The following TET2 variants were observed in gnomAD, a reference collection of about 807,000 sequenced individuals.
The protein encoded by TET2 is tet methylcytosine dioxygenase 2, also known as methylcytosine dioxygenase TET2.
In TET2, 299 loss-of-function variants were observed where a neutral mutation model predicts 142.9. The observed-to-expected ratio is 2.09, with a 90% confidence interval of 1.90 to 2.30. The LOEUF is 2.30. Ranked by LOEUF, TET2 falls within the 30% of genes most tolerant of loss-of-function variation. The probability of loss-of-function intolerance (pLI) is 0.00; values close to 1 mark genes in which losing one functional copy is unlikely to be tolerated. For synonymous variants in TET2, 819 were observed against 849.0 expected, an observed-to-expected ratio of 0.96 and a Z score of 0.61; for missense variants, 2,418 against 2,378.0, an observed-to-expected ratio of 1.02 and a Z score of -0.35.
At chr4:105,227,849 G>A (rs11947617) in intron 2 of TET2, among the ~76,000 whole-genome samples, 1 of 152,002 alleles carries the variant, frequency 6.6e-6, no homozygotes, top group African/African-American at 2.4e-5. Context: ...CTGAATAGCA[G>A]GTGAATAGCA....
chr4:105,255,438 A>C (rs1044249837), intron 6 of TET2, among the ~76,000 whole-genome samples: 2 of 152,220 alleles, frequency 1.3e-5, no homozygotes, highest in African/African-American at 4.8e-5. Flanking sequence ...CGTGTGCTTG[A>C]GAAGAATGTG....
At chr4:105,162,217 A>G (rs914811692) in intron 1 of TET2, among the ~76,000 whole-genome samples, 1 of 152,202 alleles carries the variant, frequency 6.6e-6, no homozygotes, top group Non-Finnish European at 1.5e-5. Context: ...TCTCTTGCAT[A>G]GGAGTCCCAG....
upstream of TET2, chr4:105,146,563 G>C (rs572784934): frequency 3.1e-4 from 47 of 153,014 alleles, no homozygotes; most frequent in African/African-American, 1.1e-3. Flanking sequence ...CGGTGCGGGG[G>C]GCTAATTCCC....
Position 105,236,058 on chromosome 4 carries a change from CA to C in TET2, c.2117del (p.Gln706ArgfsTer45). The C allele has an allele frequency of 6.2e-7, 1 of 1,614,154 alleles. No individual in the cohort carries two copies. Among genetic ancestry groups the C allele is most frequent in the Non-Finnish European group, 8.5e-7 (1 of 1,180,012 alleles). On this transcript the variant is annotated frameshift_variant, in exon 3 of 11. Coordinates refer to ENST00000380013, the MANE Select transcript of TET2 (RefSeq NM_001127208.3). LOFTEE classifies it high-confidence loss of function. ...AGTGTTGAAACAGCACTTGAATCAA[CA>C]GGCTTCAGAGACTGAGCCATTTTCA... Reference protein sequence around the residue: ...SPVLKQHLNQQASETEPFSNS... With the variant: ...SPVLKQHLNQXASETEPFSNS...
At position 105,261,811 on chromosome 4, in the gene TET2, CAT is replaced by C. The variant is rs1216173940; in HGVS notation, c.4011_4012del (p.Tyr1337Ter). ...AACCTGTCCACTCTTATGGCACCAA[CAT>C]ATAAGAAACTTGCACCTGATGCATA... On this transcript the variant is annotated frameshift_variant, in exon 8 of 11. Transcript: ENST00000380013. LOFTEE classifies it high-confidence loss of function. 1 of 1,549,444 alleles carries C rather than the reference CAT, an allele frequency of 6.5e-7. No individual in the cohort carries two copies. The highest frequency in any genetic ancestry group is 8.7e-7 in the Non-Finnish European group (1 of 1,145,580).
rs140017616 is a variant in TET2 at position 105,236,383 on chromosome 4, G to A, written c.2441G>A (p.Arg814His). The change falls in exon 3 of 11, where the codon CGT becomes CAT. Residue 814 changes from arginine to histidine, a missense_variant. Arg to His is a conservative substitution (Grantham distance 29). Transcript: ENST00000380013. ...CTGGAGGAAGTACAGAATATAAATC[G>A]TAGAAATTCCCCTTATAGTCAGACC... ...MGLEEVQNINRRNSPYSQTMK... is the reference protein window; with the variant it reads ...MGLEEVQNINHRNSPYSQTMK... The A allele has an allele frequency of 1.3e-4, 208 of 1,613,804 alleles. No homozygotes were observed. The highest frequency in any genetic ancestry group is 1.6e-4 in the Non-Finnish European group (194 of 1,179,990).
intron 1 of TET2, among the ~76,000 whole-genome samples, chr4:105,173,132 A>G (rs1207001012): frequency 6.6e-6 from 1 of 152,180 alleles, no homozygotes; most frequent in African/African-American, 2.4e-5. Context: ...ATGCCAACAC[A>G]AAGGATAAAA....
intron 1 of TET2, among the ~76,000 whole-genome samples, chr4:105,147,220 C>T (rs577940658): frequency 1.3e-5 from 2 of 152,372 alleles, no homozygotes; most frequent in East Asian, 3.9e-4. Flanking sequence ...ATGCTCGTCC[C>T]CTCATCTCCC....
chr4:105,253,414 T>TG (rs35743102), intron 6 of TET2, among the ~76,000 whole-genome samples: 16 of 152,026 alleles, frequency 1.1e-4, no homozygotes, highest in East Asian at 1.9e-4. Flanking sequence ...ATATTTCATT[T>TG]GGGGGGGTGC....
At chr4:105,252,772 T>C (rs1464728411) in intron 6 of TET2, among the ~76,000 whole-genome samples, 1 of 152,192 alleles carries the variant, frequency 6.6e-6, no homozygotes, top group East Asian at 1.9e-4. Context: ...TTCTGCATTT[T>C]ACATTTAGGG....
chr4:105,225,031 A>G (rs1288761679), intron 2 of TET2, among the ~76,000 whole-genome samples: 1 of 152,150 alleles, frequency 6.6e-6, no homozygotes, highest in African/African-American at 2.4e-5. Context: ...TAGGCAAATG[A>G]TAATTTCTAA....
In TET2 at chr4:105,277,086, C is replaced by T. The variant is rs1731261762; in HGVS notation, c.*567C>T. The T allele has an allele frequency of 2.2e-5, 5 of 232,262 alleles. No individual in the cohort carries two copies. The South Asian group carries it at 9.1e-4, about 42-fold the overall frequency. 14.4% of individuals were successfully genotyped at this position (232,262 alleles called of 1,614,324 possible). A position where few individuals can be genotyped will look rare whatever the true frequency, so the allele number is the denominator to read the frequency against. ...ACAGGAAACATGAATAGCAGGAAAA[C>T]ACTGAATTTGTTTGGATGTTCTAAG... On this transcript the variant is annotated 3_prime_UTR_variant, in exon 11 of 11. Coordinates refer to ENST00000380013, the MANE Select transcript of TET2 (RefSeq NM_001127208.3).
chr4:105,209,012 T>G (rs748521929), intron 2 of TET2, among the ~76,000 whole-genome samples: 7 of 126,880 alleles, frequency 5.5e-5, no homozygotes, highest in Admixed American at 9.5e-5. Flanking sequence ...AAGATACAAT[T>G]TGCACATCAG....
In TET2 at chr4:105,237,393, G is replaced by T. The variant is rs141975400; in HGVS notation, c.3409+42G>T. On this transcript the variant is annotated intron_variant, in intron 3 of 10. Coordinates refer to ENST00000380013, the MANE Select transcript of TET2 (RefSeq NM_001127208.3). ...TACTGAGACACATGGCGTTTATCCA[G>T]AATTAGCAAATTTATCTTCAGATAT... 249 of 1,613,998 alleles carry T rather than the reference G, an allele frequency of 1.5e-4. 1 individual carries two copies. The East Asian group carries it at 4.4e-3, about 29-fold the overall frequency.
At position 105,276,153 on chromosome 4, in the gene TET2, T is replaced by G; in HGVS notation, c.5643T>G (p.His1881Gln). 6.4e-7 allele frequency: 1 copy of G among 1,551,626 alleles called. No individual in the cohort carries two copies. Among genetic ancestry groups the G allele is most frequent in the Non-Finnish European group, 8.7e-7 (1 of 1,146,960 alleles). ...TTGAGTGTGCAAAGCGTGAGCTGCA[T>G]GCCACAACCCCTTTAAAGAATCCCA... The part of the protein sequence containing the change: ...ILIECAKREL[H>Q]ATTPLKNPNR... The change falls in exon 11 of 11, where the codon CAT becomes CAG. Residue 1881 changes from histidine (H) to glutamine (Q), a missense_variant. Transcript: ENST00000380013.
At chr4:105,254,148 G>C (rs772799405) in intron 6 of TET2, among the ~76,000 whole-genome samples, 2 of 152,218 alleles carry the variant, frequency 1.3e-5, no homozygotes, top group Middle Eastern at 3.4e-3. Context: ...AATAAGTTAT[G>C]AAGTATTTTC....
chr4:105,246,447 T>C (rs976980763), intron 6 of TET2, among the ~76,000 whole-genome samples: 15 of 152,374 alleles, frequency 9.8e-5, no homozygotes, highest in Middle Eastern at 3.4e-3. Flanking sequence ...AAAGCACAGC[T>C]GTACACTTTT....
chr4:105,213,660 G>A (rs868477168), intron 2 of TET2, among the ~76,000 whole-genome samples: 4 of 152,130 alleles, frequency 2.6e-5, no homozygotes, highest in African/African-American at 9.7e-5. Flanking sequence ...AATTCCTAAA[G>A]CACACTACCA....
At chr4:105,274,279 A>T (rs73838069) in intron 10 of TET2, among the ~76,000 whole-genome samples, 4,160 of 152,324 alleles carry the variant, frequency 0.027, 210 homozygotes, top group African/African-American at 0.095. Flanking sequence ...TTTTAAAGTG[A>T]GGTCAAAACA....
Sources: gnomAD v4.1 joint callset for allele counts (sites outside exome capture counted in the v4.1 genomes callset) on GRCh38, gnomAD v4.1.1 for gene constraint, MANE v1.5 for transcripts, NCBI Gene and HGNC (gene_info 2026-07-23, HGNC 2026-07-21) for gene names.